The following SH3TC2 variants were observed in gnomAD, a reference collection of about 807,000 sequenced individuals.
The protein encoded by SH3TC2 is SH3 domain and tetratricopeptide repeats 2, also known as SH3 domain and tetratricopeptide repeat-containing protein 2.
A neutral mutation model predicts 124.5 loss-of-function variants in SH3TC2; 87 were observed. The ratio of observed to expected loss-of-function variants is 0.70; its 90% CI spans 0.59 to 0.84. SH3TC2 has a LOEUF of 0.84. SH3TC2 is among the 40% of genes least tolerant of loss of function. SH3TC2 has a pLI of 0.00. For synonymous variants in SH3TC2, 634 were observed against 628.5 expected, an observed-to-expected ratio of 1.01 and a Z score of -0.13; for missense variants, 1,536 against 1,566.4, an observed-to-expected ratio of 0.98 and a Z score of 0.33.
rs71957589 is a variant in SH3TC2, at chr5:148,987,809, C to CTGTGTGTGTGTGTGTGTG, written c.*16884_*16901dup. 4.4e-5 allele frequency among the ~76,000 whole-genome samples: 6 copies of CTGTGTGTGTGTGTGTGTG among 135,320 alleles called. No individual in the cohort carries two copies. Among genetic ancestry groups the CTGTGTGTGTGTGTGTGTG allele is most frequent in the South Asian group, 2.7e-4 (1 of 3,768 alleles). 88.8% of individuals were successfully genotyped at this position (135,320 alleles called of 152,430 possible). On this transcript the variant is annotated 3_prime_UTR_variant, in exon 17 of 17. Coordinates refer to ENST00000515425, the MANE Select transcript of SH3TC2 (RefSeq NM_024577.4). ...CCTCACTCGAGGCCTCATTCAAAAT[C>CTGTGTGTGTGTGTGTGTG]TGTGTGTGTGTGTGTGTGTGTGTGT...
chr5:149,026,618 G>A lies in SH3TC2; in HGVS notation c.3007C>T (p.Leu1003=), dbSNP rs1401797345. Residue 1003 remains leucine, a synonymous_variant, in exon 12 of 17, where the codon CTG becomes TTG. Transcript: ENST00000515425. ...QLRDREMEGR[L]LESLGQLYRN... ...TAAAGCTGCCCCAGGGACTCCAGCA[G>A]CCTCCCTTCCATCTCCCGGTCCCTG... The A allele has an allele frequency of 6.2e-7, 1 of 1,614,236 alleles. No homozygotes were observed.
rs1303743035 is a variant in SH3TC2 at position 149,027,686 on chromosome 5, C to T, written c.2046G>A (p.Lys682=). ...VASVLSFLYD[K]KYLPHLAVAS... is the part of the protein sequence containing the mutation. ...CCACTGCAAGGTGTGGAAGATATTT[C>T]TTGTCATACAGAAAACTCAAAACAC... The change falls in exon 11 of 17, where the codon AAG becomes AAA. Residue 682 remains lysine (K), a synonymous_variant. Coordinates refer to ENST00000515425, the MANE Select transcript of SH3TC2 (RefSeq NM_024577.4). 6.2e-7 allele frequency: 1 copy of T among 1,614,154 alleles called. No homozygotes were observed. The highest frequency in any genetic ancestry group is 8.5e-7 in the Non-Finnish European group (1 of 1,179,966).
chr5:149,025,246 C>A (rs1754044055), intron 12 of SH3TC2, among the ~76,000 whole-genome samples: 1 of 152,160 alleles, frequency 6.6e-6, no homozygotes, highest in South Asian at 2.1e-4. Context: ...AAGGCAAAGA[C>A]AGCAGGAGGT....
intron 1 of SH3TC2, among the ~76,000 whole-genome samples, chr5:149,054,140 A>C (rs886982094): frequency 6.6e-6 from 1 of 152,236 alleles, no homozygotes; most frequent in Non-Finnish European, 1.5e-5. Flanking sequence ...CTATATCAAA[A>C]TATCTCATGT....
In SH3TC2 at chr5:148,993,683, G is replaced by A. The variant is rs1753457445; in HGVS notation, c.*11028C>T. ...AACTTCCTGTGACTGTGCTTGGTAAGTGATGGAGGCAATCATTTACAGATG... is the reference window on the plus strand; with the variant it reads ...AACTTCCTGTGACTGTGCTTGGTAAATGATGGAGGCAATCATTTACAGATG... On this transcript the variant is annotated 3_prime_UTR_variant, in exon 17 of 17. Transcript: ENST00000515425. 6.6e-6 allele frequency among the ~76,000 whole-genome samples: 1 copy of A among 152,212 alleles called. No individual in the cohort carries two copies. Among genetic ancestry groups the A allele is most frequent in the Non-Finnish European group, 1.5e-5 (1 of 68,044 alleles).
chr5:149,006,732 A>T, intron 16 of SH3TC2, 149 bp downstream of exon 16: 1 of 834,486 alleles, frequency 1.2e-6, no homozygotes, highest in Non-Finnish European at 2.1e-6. Flanking sequence ...GTCCCCTGTA[A>T]AGCCACTCCT....
At position 149,049,378 on chromosome 5, in the gene SH3TC2, T is replaced by A. The variant is rs572476800; in HGVS notation, c.152-1389A>T. On this transcript the variant is annotated intron_variant, in intron 2 of 16. Transcript: ENST00000515425. ...CTCAAGACTTGGCTCTGCCCCTCAA[T>A]AAATGTGCCACCCTAAACAATTAAT... is the stretch of plus-strand genomic sequence containing the variant. 1.2e-4 allele frequency among the ~76,000 whole-genome samples: 19 copies of A among 152,288 alleles called. No homozygotes were observed. In the South Asian group the frequency reaches 3.7e-3, roughly 30 times the overall value.
rs150905092 is a variant in SH3TC2, at chr5:148,984,147, T to A, written c.*20564A>T. ...TTTGTGTCCCTTTATCTCTCTCTTC[T>A]CTTTCTGAAATTGCATTATGTAAAT... On this transcript the variant is annotated 3_prime_UTR_variant, in exon 17 of 17. Coordinates refer to ENST00000515425, the MANE Select transcript of SH3TC2 (RefSeq NM_024577.4). Among the ~76,000 whole-genome samples the A allele has an allele frequency of 3.6e-3, 553 of 152,312 alleles. 2 individuals carry two copies. The highest frequency in any genetic ancestry group is 0.011 in the African/African-American group (443 of 41,566).
intron 12 of SH3TC2, 155 bp downstream of exon 12, chr5:149,026,417 T>C: frequency 1.2e-6 from 1 of 820,648 alleles, no homozygotes; most frequent in East Asian, 2.5e-5. Flanking sequence ...CACTAATAAG[T>C]GATGGATGCA....
At chr5:149,010,222 A>G (rs1302600519) in intron 14 of SH3TC2, 48 bp downstream of exon 14, 1 of 1,613,742 alleles carries the variant, frequency 6.2e-7, no homozygotes, top group Non-Finnish European at 8.5e-7. Context: ...GACCCTTCCC[A>G]TGCCCGTGCC....
intron 9 of SH3TC2, among the ~76,000 whole-genome samples, chr5:149,031,029 C>T (rs1404832073): frequency 6.6e-6 from 1 of 152,212 alleles, no homozygotes; most frequent in Non-Finnish European, 1.5e-5. Context: ...GACTAACACA[C>T]CCAACAACTC....
Position 148,986,914 on chromosome 5 carries a change from G to A in SH3TC2, c.*17797C>T, listed in dbSNP as rs947617338. Among the ~76,000 whole-genome samples, 10 of 152,190 alleles carry A rather than the reference G, an allele frequency of 6.6e-5. No homozygotes were observed. The highest frequency in any genetic ancestry group is 1.2e-4 in the Non-Finnish European group (8 of 68,050). On this transcript the variant is annotated 3_prime_UTR_variant, in exon 17 of 17. Transcript: ENST00000515425. The stretch of plus-strand genomic sequence containing the variant: ...AGATTATTTAACAATGCAATAATAT[G>A]AGGTCATATCAAGAATTCCAAGGAG...
intron 7 of SH3TC2, among the ~76,000 whole-genome samples, chr5:149,038,798 A>G (rs182304933): frequency 2.0e-5 from 3 of 152,362 alleles, no homozygotes; most frequent in East Asian, 3.9e-4. Context: ...AACATAGCTT[A>G]TGGGAAACTG....
chr5:149,038,449 C>G lies in SH3TC2; in HGVS notation c.847G>C (p.Glu283Gln). The G allele has an allele frequency of 6.2e-7, 1 of 1,614,166 alleles. No homozygotes were observed. Among genetic ancestry groups the G allele is most frequent in the Middle Eastern group, 1.6e-4 (1 of 6,062 alleles). The change falls in exon 8 of 17, where the codon GAA becomes CAA. Residue 283 changes from glutamate (E) to glutamine (Q), a missense_variant. Around this residue, in one of 3 missense-constraint regions of SH3TC2, gnomAD observed 1,102 missense variants for 1,098.6 expected, o/e 1.00. Coordinates refer to ENST00000515425, the MANE Select transcript of SH3TC2 (RefSeq NM_024577.4). ...CKALTGYEPG[E>Q]KDELNFYQGE... ...TGGTAGAAATTCAGTTCATCCTTTT[C>G]TCCTGGCTCATAACCCGTCAAGGCC... is the stretch of plus-strand genomic sequence containing the variant.
At chr5:149,018,402 T>C (rs1196671452) in intron 12 of SH3TC2, among the ~76,000 whole-genome samples, 1 of 151,934 alleles carries the variant, frequency 6.6e-6, no homozygotes, top group Non-Finnish European at 1.5e-5. Flanking sequence ...GGGTAAATTA[T>C]AAAGAAAAAG....
intron 9 of SH3TC2, among the ~76,000 whole-genome samples, chr5:149,029,239 C>T (rs1339235740): frequency 2.6e-5 from 4 of 152,170 alleles, no homozygotes; most frequent in Non-Finnish European, 5.9e-5. Context: ...ACATTGGTTC[C>T]ATGTGTCCAC....
chr5:149,026,619 C>A lies in SH3TC2; in HGVS notation c.3006G>T (p.Arg1002Ser), dbSNP rs762004036. The A allele has an allele frequency of 6.2e-6, 10 of 1,614,110 alleles. No homozygotes were observed. The highest frequency in any genetic ancestry group is 3.3e-4 in the Middle Eastern group (2 of 6,084). Residue 1002 changes from arginine to serine, a missense_variant, in exon 12 of 17, where the codon AGG becomes AGT. Coordinates refer to ENST00000515425, the MANE Select transcript of SH3TC2 (RefSeq NM_024577.4). ...QQLRDREMEG[R>S]LLESLGQLYR... ...AAAGCTGCCCCAGGGACTCCAGCAGCCTCCCTTCCATCTCCCGGTCCCTGA... is the reference window on the plus strand; with the variant it reads ...AAAGCTGCCCCAGGGACTCCAGCAGACTCCCTTCCATCTCCCGGTCCCTGA...
rs751065446 is a variant in SH3TC2 at position 148,983,598 on chromosome 5, C to T, written c.*21113G>A. ...TCTTGCTGAAGTGCACATTCCCCTT[C>T]CAGTAACAGCAATCTAGCTTCCTAT... On this transcript the variant is annotated 3_prime_UTR_variant, in exon 17 of 17. Transcript: ENST00000515425. 1.3e-5 allele frequency among the ~76,000 whole-genome samples: 2 copies of T among 152,176 alleles called. No homozygotes were observed. Among genetic ancestry groups the T allele is most frequent in the Non-Finnish European group, 2.9e-5 (2 of 68,030 alleles).
Position 149,023,583 on chromosome 5 carries a change from C to CTTTTTTTTTTTTTT in SH3TC2, c.3053+2975_3053+2988dup, listed in dbSNP as rs5872108. The stretch of plus-strand genomic sequence containing the variant: ...TATAACCTTCAATAATAGTGTAATC[C>CTTTTTTTTTTTTTT]TTTTTTTTTTTTTTTTTTGAGAGAC... On this transcript the variant is annotated intron_variant, in intron 12 of 16. Coordinates refer to ENST00000515425, the MANE Select transcript of SH3TC2 (RefSeq NM_024577.4). Among the ~76,000 whole-genome samples the CTTTTTTTTTTTTTT allele has an allele frequency of 4.5e-3, 478 of 107,118 alleles. 22 individuals are homozygous for CTTTTTTTTTTTTTT. Among genetic ancestry groups the CTTTTTTTTTTTTTT allele is most frequent in the African/African-American group, 7.0e-3 (185 of 26,468 alleles). 70.3% of individuals were successfully genotyped at this position (107,118 alleles called of 152,430 possible). A position where few individuals can be genotyped will look rare whatever the true frequency, so the allele number is the denominator to read the frequency against.
Sources: allele counts gnomAD v4.1 joint callset (sites outside exome capture counted in the v4.1 genomes callset), GRCh38; gene constraint gnomAD v4.1.1; regional missense constraint gnomAD v4.1.1; transcripts MANE v1.5; gene names NCBI Gene and HGNC (gene_info 2026-07-23, HGNC 2026-07-21).